LRFN5: variants seen among roughly 807,000 people sequenced by gnomAD.
LRFN5 encodes leucine-rich repeat and fibronectin type-III domain-containing protein 5.
Under a neutral mutation model 45.6 loss-of-function variants are expected in LRFN5, and 24 were observed. The observed-to-expected ratio is 0.53, with a 90% CI of 0.38 to 0.74. The LOEUF (loss-of-function observed/expected upper bound fraction) is 0.74, where lower values mean the gene tolerates loss of function less well. LRFN5 is among the 30% of genes least tolerant of loss of function. The probability of loss-of-function intolerance (pLI) is 0.00; values close to 1 mark genes in which losing one functional copy is unlikely to be tolerated. For missense variants in LRFN5, 776 were observed against 861.5 expected (o/e 0.90, Z 1.24); for synonymous variants, 340 against 313.8 (o/e 1.08, Z -0.88).
intron 1 of LRFN5, among the ~76,000 whole-genome samples, chr14:41,727,389 A>G (rs1883982434): frequency 6.6e-6 from 1 of 152,050 alleles, no homozygotes; most frequent in South Asian, 2.1e-4. Context: ...GGCTTACTTG[A>G]GCCCAGGAGT....
At chr14:41,757,197 G>C (rs1310826593) in intron 1 of LRFN5, among the ~76,000 whole-genome samples, 2 of 152,122 alleles carry the variant, frequency 1.3e-5, no homozygotes, top group Non-Finnish European at 2.9e-5. Context: ...TAGGCTACTC[G>C]GGGGTCAGGG....
At chr14:41,642,223 A>G (rs1456552133) in intron 1 of LRFN5, among the ~76,000 whole-genome samples, 7 of 152,180 alleles carry the variant, frequency 4.6e-5, no homozygotes, top group Non-Finnish European at 1.0e-4. Context: ...TGAAATAAAT[A>G]CACATACTGA....
chr14:41,892,056 C>T (rs1266089696), intron 4 of LRFN5, 94 bp downstream of exon 4: 1 of 1,509,780 alleles, frequency 6.6e-7, no homozygotes, highest in Non-Finnish European at 8.8e-7. Flanking sequence ...TATATTAACT[C>T]GCCGAACACA....
chr14:41,851,677 A>T (rs1294746345), intron 2 of LRFN5, among the ~76,000 whole-genome samples: 2 of 152,012 alleles, frequency 1.3e-5, no homozygotes, highest in Non-Finnish European at 3.0e-5. Flanking sequence ...ATGTAATTTT[A>T]AGTTTAATTT....
At chr14:41,786,296 C>T (rs1886717553) in intron 2 of LRFN5, among the ~76,000 whole-genome samples, 1 of 151,980 alleles carries the variant, frequency 6.6e-6, no homozygotes, top group East Asian at 1.9e-4. Context: ...TTAGCATTTC[C>T]AGTAGTATAA....
At chr14:41,674,218 C>T (rs1286246620) in intron 1 of LRFN5, among the ~76,000 whole-genome samples, 28 of 128,518 alleles carry the variant, frequency 2.2e-4, no homozygotes, top group Non-Finnish European at 3.0e-4. Context: ...CCCCCACCTC[C>T]CTCCCGGACG....
chr14:41,877,702 T>G (rs1418029253), intron 2 of LRFN5, among the ~76,000 whole-genome samples: 3 of 151,964 alleles, frequency 2.0e-5, no homozygotes, highest in African/African-American at 7.2e-5. Context: ...CAGAAACCCA[T>G]TAGGACTATG....
chr14:41,624,707 C>G (rs1888262521), intron 1 of LRFN5, among the ~76,000 whole-genome samples: 2 of 152,074 alleles, frequency 1.3e-5, no homozygotes, highest in South Asian at 2.1e-4. Flanking sequence ...AGTGCAGAAT[C>G]TGACTAAAAG....
intron 1 of LRFN5, among the ~76,000 whole-genome samples, chr14:41,708,078 T>C (rs1883139111): frequency 6.6e-6 from 1 of 152,060 alleles, no homozygotes; most frequent in African/African-American, 2.4e-5. Flanking sequence ...TTAAAACAGA[T>C]GATGAATTAA....
chr14:41,853,343 G>A (rs150405743), intron 2 of LRFN5, among the ~76,000 whole-genome samples: 199 of 152,044 alleles, frequency 1.3e-3, no homozygotes, highest in Non-Finnish European at 2.3e-3. Context: ...ACCAGGTAGT[G>A]GGAAATTAAG....
intron 1 of LRFN5, among the ~76,000 whole-genome samples, chr14:41,759,138 C>G (rs1885539408): frequency 6.6e-6 from 1 of 152,028 alleles, no homozygotes. Context: ...CATCAAAACT[C>G]TTAGTTCTTT....
At chr14:41,619,809 T>C (rs953609851) in intron 1 of LRFN5, among the ~76,000 whole-genome samples, 1 of 152,044 alleles carries the variant, frequency 6.6e-6, no homozygotes, top group Non-Finnish European at 1.5e-5. Context: ...TATTTCTCAG[T>C]TTCCTTATCT....
At chr14:41,779,423 T>C (rs942788378) in intron 2 of LRFN5, among the ~76,000 whole-genome samples, 2 of 151,878 alleles carry the variant, frequency 1.3e-5, no homozygotes, top group Non-Finnish European at 3.0e-5. Context: ...GAGCAGTTGG[T>C]CTATAGATTT....
chr14:41,609,516 A>T (rs1398284063), intron 1 of LRFN5, among the ~76,000 whole-genome samples: 2 of 151,936 alleles, frequency 1.3e-5, no homozygotes, highest in African/African-American at 4.8e-5. Flanking sequence ...AAAGCCCTTT[A>T]CCCTGGCGCC....
At chr14:41,819,520 T>C (rs1017319955) in intron 2 of LRFN5, among the ~76,000 whole-genome samples, 2 of 152,166 alleles carry the variant, frequency 1.3e-5, no homozygotes, top group African/African-American at 4.8e-5. Context: ...GACTGGATAA[T>C]TTTTATAGAA....
chr14:41,648,032 A>G (rs753746376), intron 1 of LRFN5, among the ~76,000 whole-genome samples: 20 of 152,194 alleles, frequency 1.3e-4, no homozygotes, highest in Non-Finnish European at 1.8e-4. Context: ...ACATATCTAC[A>G]TCTATATCTT....
In LRFN5 at chr14:41,894,701, A is replaced by G. The variant is rs545116518; in HGVS notation, c.2098+2739A>G. The G allele has an allele frequency of 5.2e-5, 51 of 985,304 alleles. No individual in the cohort carries two copies. The South Asian group carries it at 1.8e-3, about 34-fold the overall frequency. The allele number at this position is 985,304 out of a possible 1,614,324, so 61.0% of individuals were successfully genotyped here. ...TATTACCTATCATGATGTCTGAAAC[A>G]TAATTGTTGCTTAGATGAATGAATG... On this transcript the variant is annotated intron_variant, in intron 4 of 5. Transcript: ENST00000298119.
intron 2 of LRFN5, among the ~76,000 whole-genome samples, chr14:41,863,875 T>C (rs1168389144): frequency 6.8e-6 from 1 of 147,176 alleles, no homozygotes; most frequent in Non-Finnish European, 1.5e-5. Context: ...GATCTCCCTC[T>C]CCCTGTGTCC....
chr14:41,891,810 C>G lies in LRFN5; in HGVS notation c.1946C>G (p.Thr649Arg), dbSNP rs1274776746. The G allele has an allele frequency of 4.3e-6, 7 of 1,614,018 alleles. No individual in the cohort carries two copies. The highest frequency in any genetic ancestry group is 5.9e-6 in the Non-Finnish European group (7 of 1,180,028). ...CAAAAGCAGAAAAGAAAGACTGGCA[C>G]AAAGCCAAGTACAGAACCACAGAAT... ...VSQKQKRKTGTKPSTEPQNEA... is the reference protein window; with the variant it reads ...VSQKQKRKTGRKPSTEPQNEA... Residue 649 changes from threonine to arginine, a missense_variant, in exon 4 of 6, where the codon ACA becomes AGA. Thr to Arg is a moderately conservative substitution (Grantham distance 71). Around this residue, in one of 2 missense-constraint regions of LRFN5, gnomAD observed 465 missense variants for 456.4 expected, o/e 1.02. Transcript: ENST00000298119.
Sources: gnomAD v4.1 joint callset for allele counts (sites outside exome capture counted in the v4.1 genomes callset) on GRCh38, gnomAD v4.1.1 for gene constraint, gnomAD v4.1.1 regional missense constraint, MANE v1.5 for transcripts, NCBI Gene and HGNC (gene_info 2026-07-23, HGNC 2026-07-21) for gene names.